Variants in RGL1 observed in about 807,000 individuals in gnomAD.
The protein encoded by RGL1 is ral guanine nucleotide dissociation stimulator-like 1.
In RGL1, 24 loss-of-function variants were observed where a neutral mutation model predicts 95.2. The ratio of observed to expected loss-of-function variants is 0.25; its 90% confidence interval spans 0.18 to 0.35. The LOEUF (loss-of-function observed/expected upper bound fraction) is 0.35, where lower values mean the gene tolerates loss of function less well. Among genes scored for constraint, RGL1 ranks in the 10% least tolerant of loss-of-function variants. RGL1 has a pLI of 1.00. For synonymous variants in RGL1, 329 were observed against 344.9 expected, an observed-to-expected ratio of 0.95 and a Z score of 0.51; for missense variants, 715 against 936.3, an observed-to-expected ratio of 0.76 and a Z score of 3.08.
In RGL1 at chr1:183,643,963, C is replaced by T. The variant is rs185704965; in HGVS notation, c.-33+7462C>T. ...TTTATGTTTGGCATGAGGTCCTGGG[C>T]GACAGGGGAGTGGGGGAGGGCCAAA... On this transcript the variant is annotated intron_variant, in intron 1 of 18. Coordinates refer to the RGL1 transcript ENST00000304685. 9.1e-4 allele frequency among the ~76,000 whole-genome samples: 139 copies of T among 152,218 alleles called. 1 individual carries two copies. Among genetic ancestry groups the T allele is most frequent in the South Asian group, 4.6e-3 (22 of 4,826 alleles).
chr1:183,732,009 C>T lies in RGL1; in HGVS notation c.-32-10117C>T, dbSNP rs138697939. Among the ~76,000 whole-genome samples, 23 of 152,238 alleles carry T rather than the reference C, an allele frequency of 1.5e-4. No homozygotes were observed. In the East Asian group the frequency reaches 2.7e-3, roughly 18 times the overall value. On this transcript the variant is annotated intron_variant, in intron 1 of 18. Transcript: ENST00000304685. ...TCGCACAATAATTAGGCTATAGCTA[C>T]GTAAAACTTTAGGGACTTCTTCCTT...
intron 2 of RGL1, among the ~76,000 whole-genome samples, chr1:183,809,122 A>G (rs1403428807): frequency 6.6e-6 from 1 of 152,254 alleles, no homozygotes; most frequent in African/African-American, 2.4e-5. Context: ...CATTGAAGAT[A>G]TGAAGATACG....
At chr1:183,806,570 CT>C (rs368701909) in intron 2 of RGL1, 85 bp downstream of exon 2, 123,751 of 653,138 alleles carry the variant, frequency 0.19, 105 homozygotes, top group East Asian at 0.25. Flanking sequence ...CAGAGGCAGG[CT>C]TTTTTTTTTT....
chr1:183,883,555 A>G (rs753766019), intron 5 of RGL1, among the ~76,000 whole-genome samples: 43 of 152,148 alleles, frequency 2.8e-4, no homozygotes, highest in Admixed American at 2.0e-3. Flanking sequence ...GGAGCCAGTG[A>G]TTTGTCAGAG....
At chr1:183,891,755 T>G (rs1445555773) in intron 8 of RGL1, among the ~76,000 whole-genome samples, 1 of 128,720 alleles carries the variant, frequency 7.8e-6, no homozygotes, top group African/African-American at 2.8e-5. Flanking sequence ...TTTTTTTTTT[T>G]TTTTTGTTTA....
intron 2 of RGL1, among the ~76,000 whole-genome samples, chr1:183,778,406 T>C (rs1335640510): frequency 3.3e-5 from 5 of 151,692 alleles, no homozygotes; most frequent in African/African-American, 4.8e-5. Context: ...CATAAAAGAG[T>C]AGGGGTTTTC....
intron 2 of RGL1, among the ~76,000 whole-genome samples, chr1:183,778,412 T>A (rs1659713504): frequency 6.6e-6 from 1 of 151,810 alleles, no homozygotes; most frequent in East Asian, 1.9e-4. Context: ...AGAGTAGGGG[T>A]TTTCCTAGTG....
rs74884479 is a variant in RGL1, at chr1:183,764,698, A to G, written c.132+22409A>G. On this transcript the variant is annotated intron_variant, in intron 2 of 18. Transcript: ENST00000304685. ...GGCTGCTTCATGCTAAAAAGGGGGC[A>G]TTGTGAGCAGCTCCATACCATGGGT... Among the ~76,000 whole-genome samples, 951 of 152,200 alleles carry G rather than the reference A, an allele frequency of 6.2e-3. 33 individuals are homozygous for G. The East Asian group carries it at 0.073, about 12-fold the overall frequency.
At chr1:183,663,025 C>T (rs1402412632) in intron 1 of RGL1, among the ~76,000 whole-genome samples, 1 of 151,670 alleles carries the variant, frequency 6.6e-6, no homozygotes, top group South Asian at 2.1e-4. Flanking sequence ...AAAGCTGAAA[C>T]TGGATCCCTT....
chr1:183,877,949 C>T (rs1666603677), intron 4 of RGL1, among the ~76,000 whole-genome samples: 1 of 152,182 alleles, frequency 6.6e-6, no homozygotes, highest in Non-Finnish European at 1.5e-5. Flanking sequence ...GAAATACCCA[C>T]ACGAGCATGC....
intron 2 of RGL1, among the ~76,000 whole-genome samples, chr1:183,752,737 C>T (rs1351299849): frequency 7.9e-6 from 1 of 126,896 alleles, no homozygotes; most frequent in Non-Finnish European, 1.6e-5. Flanking sequence ...CTTAAGATGT[C>T]TTTATTTTGT....
chr1:183,902,322 T>A (rs1668074716), intron 11 of RGL1, among the ~76,000 whole-genome samples: 1 of 152,234 alleles, frequency 6.6e-6, no homozygotes, highest in African/African-American at 2.4e-5. Context: ...TGTAATTATT[T>A]ATCATTACTA....
chr1:183,667,947 ACT>A (rs60783383), intron 1 of RGL1, among the ~76,000 whole-genome samples: 44,488 of 151,088 alleles, frequency 0.29, 7,010 homozygotes, highest in Middle Eastern at 0.37. Flanking sequence ...AAATATTTCT[ACT>A]CTCTCATCTT....
intron 1 of RGL1, chr1:183,647,460 T>C (rs1650370500): frequency 8.5e-6 from 5 of 589,122 alleles, no homozygotes; most frequent in Non-Finnish European, 1.3e-5. Context: ...ACTTTCAAAA[T>C]AAAGGAGAGA....
At chr1:183,723,040 A>G (rs1656102175) in intron 1 of RGL1, among the ~76,000 whole-genome samples, 1 of 152,230 alleles carries the variant, frequency 6.6e-6, no homozygotes, top group South Asian at 2.1e-4. Context: ...ACAATAGCAC[A>G]AAGGGCATTG....
intron 1 of RGL1, among the ~76,000 whole-genome samples, chr1:183,741,614 T>C (rs1487876652): frequency 6.6e-6 from 1 of 152,234 alleles, no homozygotes; most frequent in African/African-American, 2.4e-5. Flanking sequence ...CTTTCTGTCC[T>C]GAGGCTCTAA....
upstream of RGL1, among the ~76,000 whole-genome samples, chr1:183,802,379 C>T (rs1661039067): frequency 6.6e-6 from 1 of 152,072 alleles, no homozygotes; most frequent in Admixed American, 6.6e-5. Context: ...ATGAGATCTC[C>T]AGCTTTACTC....
intron 3 of RGL1, among the ~76,000 whole-genome samples, chr1:183,853,088 C>G (rs1488447990): frequency 6.6e-6 from 1 of 152,108 alleles, no homozygotes; most frequent in Admixed American, 6.5e-5. Flanking sequence ...GTAATCCCAG[C>G]ACTTTGGGAG....
intron 1 of RGL1, among the ~76,000 whole-genome samples, chr1:183,636,859 C>T (rs1339848988): frequency 6.6e-6 from 1 of 152,206 alleles, no homozygotes; most frequent in Admixed American, 6.5e-5. Context: ...GTGTATTACA[C>T]TGAAGAACAA....
Sources: gnomAD v4.1 joint callset for allele counts (sites outside exome capture counted in the v4.1 genomes callset) on GRCh38, gnomAD v4.1.1 for gene constraint, MANE v1.5 for transcripts, NCBI Gene and HGNC (gene_info 2026-07-23, HGNC 2026-07-21) for gene names.